Variants in FGF13 observed in about 807,000 individuals in gnomAD.
FGF13 encodes fibroblast growth factor homologous factor 2.
A neutral mutation model predicts 19.5 loss-of-function variants in FGF13; 2 were observed. That is an observed-to-expected ratio of 0.10 (90% CI 0.04 to 0.32). The LOEUF is 0.32. Ranked by LOEUF, FGF13 falls within the 10% of genes least tolerant of loss-of-function variation. FGF13 has a pLI of 1.00. For synonymous variants in FGF13, 72 were observed against 76.9 expected, an observed-to-expected ratio of 0.94 and a Z score of 0.33; for missense variants, 113 against 192.7, an observed-to-expected ratio of 0.59 and a Z score of 2.45.
At chrX:138,810,445 A>C (rs1275909706) in intron 3 of FGF13, among the ~76,000 whole-genome samples, 8 of 111,717 alleles carry the variant, frequency 7.2e-5, no homozygotes, top group African/African-American at 2.6e-4. Context: ...AAATTAATTC[A>C]AGATGGATTA....
chrX:138,981,811 C>T (rs954320518), intron 1 of FGF13, among the ~76,000 whole-genome samples: 1 of 111,215 alleles, frequency 9.0e-6, no homozygotes, highest in African/African-American at 3.3e-5. Context: ...CATCTTATTT[C>T]TCTCTCTCTC....
chrX:138,753,881 G>A (rs2090414766), intron 3 of FGF13, among the ~76,000 whole-genome samples: 1 of 111,913 alleles, frequency 8.9e-6, no homozygotes, highest in Non-Finnish European at 1.9e-5. Context: ...TCTCTTTACT[G>A]AACTGGTTGT....
chrX:138,908,999 T>A (rs1383912174), intron 1 of FGF13, among the ~76,000 whole-genome samples: 1 of 112,069 alleles, frequency 8.9e-6, no homozygotes. Flanking sequence ...CCCCATTTTA[T>A]GAATGCTGAA....
At chrX:139,071,456 T>A (rs182502318) in intron 1 of FGF13, among the ~76,000 whole-genome samples, 103 of 112,032 alleles carry the variant, frequency 9.2e-4, no homozygotes, top group African/African-American at 3.3e-3. Context: ...ATGTTTTAAA[T>A]CTTATTACCT....
chrX:138,911,317 A>T (rs747567744), intron 1 of FGF13, among the ~76,000 whole-genome samples: 1 of 110,961 alleles, frequency 9.0e-6, no homozygotes, highest in Non-Finnish European at 1.9e-5. Flanking sequence ...TTGCAGGGAC[A>T]TGGATGGAGC....
chrX:138,928,673 T>C (rs2091685870), intron 1 of FGF13, among the ~76,000 whole-genome samples: 2 of 111,465 alleles, frequency 1.8e-5, no homozygotes, highest in Admixed American at 1.9e-4. Context: ...CAAATAACTA[T>C]AGGCTGGGAA....
At chrX:138,784,874 C>T (rs1241021652) in intron 3 of FGF13, among the ~76,000 whole-genome samples, 1 of 112,099 alleles carries the variant, frequency 8.9e-6, no homozygotes, top group Non-Finnish European at 1.9e-5. Context: ...TAACTCTACT[C>T]TCTTCCTACT....
At chrX:138,814,832 A>C (rs189377175) in intron 3 of FGF13, among the ~76,000 whole-genome samples, 194 of 111,010 alleles carry the variant, frequency 1.7e-3, no homozygotes, top group African/African-American at 6.2e-3. Flanking sequence ...CAGTAATTCC[A>C]TTTCTGGATA....
chrX:138,775,367 A>G (rs941872467), intron 3 of FGF13, among the ~76,000 whole-genome samples: 12 of 112,415 alleles, frequency 1.1e-4, no homozygotes, highest in African/African-American at 3.9e-4. Flanking sequence ...CCAGGACAAG[A>G]AAAAGTTCAT....
At chrX:139,188,170 TAGAG>T (rs770416330) in intron 1 of FGF13, among the ~76,000 whole-genome samples, 239 of 112,187 alleles carry the variant, frequency 2.1e-3, no homozygotes, top group Non-Finnish European at 3.0e-3. Flanking sequence ...AGAGCAAGAA[TAGAG>T]ACTCTTCCTC....
chrX:138,975,589 C>T, intron 1 of FGF13, among the ~76,000 whole-genome samples: 1 of 110,406 alleles, frequency 9.1e-6, no homozygotes, highest in Non-Finnish European at 1.9e-5. Context: ...AAGAAGGTTC[C>T]TTGGAGTAGA....
chrX:138,877,485 A>G (rs2091397601), intron 1 of FGF13, among the ~76,000 whole-genome samples: 1 of 111,976 alleles, frequency 8.9e-6, no homozygotes, highest in African/African-American at 3.2e-5. Flanking sequence ...TTAAGTGTAC[A>G]ATTCAGTGGC....
intron 3 of FGF13, among the ~76,000 whole-genome samples, chrX:138,828,236 C>A (rs1050843285): frequency 9.8e-5 from 11 of 111,746 alleles, no homozygotes; most frequent in Non-Finnish European, 2.1e-4. Context: ...CTAGTTGCCT[C>A]GATTAACTAA....
Position 138,811,179 on chromosome X carries a change from A to C in FGF13, c.217+46333T>G, listed in dbSNP as rs781436290. Among the ~76,000 whole-genome samples the C allele has an allele frequency of 1.8e-3, 206 of 112,038 alleles. 2 individuals carry two copies. Among genetic ancestry groups the C allele is most frequent in the African/African-American group, 6.6e-3 (203 of 30,822 alleles). The stretch of plus-strand genomic sequence containing the variant: ...ATTACAGCACTATTCACAATAGCAA[A>C]GACTTGGAACCAACCCAAATGTCCA... On this transcript the variant is annotated intron_variant, in intron 3 of 6. Coordinates refer to the FGF13 transcript ENST00000436198.
chrX:138,976,642 C>A (rs1018438318), intron 1 of FGF13, among the ~76,000 whole-genome samples: 2 of 111,418 alleles, frequency 1.8e-5, no homozygotes, highest in African/African-American at 6.5e-5. Flanking sequence ...TCAGACTTCA[C>A]CACTATAAAA....
At chrX:138,849,299 T>C (rs1198011576) in intron 3 of FGF13, among the ~76,000 whole-genome samples, 5 of 112,062 alleles carry the variant, frequency 4.5e-5, no homozygotes, top group Non-Finnish European at 9.4e-5. Context: ...TGTGACTCTC[T>C]AGGAATGGCG....
chrX:138,708,270 A>C (rs2090010842), intron 2 of FGF13, among the ~76,000 whole-genome samples: 2 of 112,308 alleles, frequency 1.8e-5, no homozygotes, highest in Admixed American at 1.9e-4. Flanking sequence ...TATAGTCTCC[A>C]ATTTGGTCTG....
At chrX:139,039,057 G>A (rs1295516703) in intron 1 of FGF13, among the ~76,000 whole-genome samples, 1 of 112,333 alleles carries the variant, frequency 8.9e-6, no homozygotes, top group African/African-American at 3.2e-5. Context: ...AGTAAGCTTG[G>A]AACAGAGATT....
chrX:138,685,818 T>C (rs193069868), intron 3 of FGF13, among the ~76,000 whole-genome samples: 6 of 110,211 alleles, frequency 5.4e-5, no homozygotes, highest in African/African-American at 1.6e-4. Context: ...TCCCCCTATA[T>C]AGAGTGAGAA....
Sources: allele counts gnomAD v4.1 joint callset (sites outside exome capture counted in the v4.1 genomes callset), GRCh38; gene constraint gnomAD v4.1.1; transcripts MANE v1.5; gene names NCBI Gene and HGNC (gene_info 2026-07-23, HGNC 2026-07-21).